EYS: variants seen among roughly 807,000 people sequenced by gnomAD.
EYS encodes protein eyes shut homolog.
A neutral mutation model predicts 282.1 loss-of-function variants in EYS; 250 were observed. The observed-to-expected ratio is 0.89, with a 90% CI of 0.80 to 0.98. The LOEUF (loss-of-function observed/expected upper bound fraction) is 0.98. Among genes scored for constraint, EYS ranks in the 50% least tolerant of loss-of-function variants. EYS has a pLI of 0.00. For missense variants in EYS, 4,016 were observed against 3,709.0 expected (o/e 1.08, Z -2.15); for synonymous variants, 1,355 against 1,282.9 (o/e 1.06, Z -1.20).
At chr6:64,157,400 G>T (rs1024670395) in intron 31 of EYS, among the ~76,000 whole-genome samples, 1 of 152,160 alleles carries the variant, frequency 6.6e-6, no homozygotes, top group Non-Finnish European at 1.5e-5. Flanking sequence ...CATTTTCTGA[G>T]GAGAAATTGA....
In EYS at chr6:64,235,878, G is replaced by A. The variant is rs1186109528; in HGVS notation, c.6192-5054C>T. ...TCCAGGACCAGATGGACTCACAGCC[G>A]AATTCTACCAGAGGTACAAGGAGGA... On this transcript the variant is annotated intron_variant, in intron 30 of 42. Coordinates refer to ENST00000503581, the MANE Select transcript of EYS (RefSeq NM_001142800.2). Among the ~76,000 whole-genome samples the A allele has an allele frequency of 6.6e-5, 10 of 152,104 alleles. No individual in the cohort carries two copies. In the East Asian group the frequency reaches 7.7e-4, roughly 12 times the overall value.
At chr6:65,023,222 T>C (rs1400371526) in intron 13 of EYS, among the ~76,000 whole-genome samples, 7 of 152,166 alleles carry the variant, frequency 4.6e-5, no homozygotes, top group Admixed American at 4.6e-4. Flanking sequence ...GTTAATATTA[T>C]CTTTTTAATT....
chr6:65,260,964 T>A (rs1272952727), intron 12 of EYS, among the ~76,000 whole-genome samples: 1 of 152,124 alleles, frequency 6.6e-6, no homozygotes, highest in East Asian at 1.9e-4. Flanking sequence ...TATTTTCTTG[T>A]CTAAAACCTA....
At chr6:64,576,004 A>T (rs983970758) in intron 26 of EYS, among the ~76,000 whole-genome samples, 3 of 152,140 alleles carry the variant, frequency 2.0e-5, no homozygotes, top group African/African-American at 2.4e-5. Flanking sequence ...TTTTCTAAAG[A>T]CAAAGAGCTA....
chr6:64,741,176 A>G (rs183774915), intron 22 of EYS, among the ~76,000 whole-genome samples: 30 of 152,220 alleles, frequency 2.0e-4, no homozygotes, highest in Non-Finnish European at 2.9e-5. Flanking sequence ...TCCTTGATCC[A>G]TGGGCTTCAG....
chr6:65,042,467 A>G (rs1583427469), intron 13 of EYS, among the ~76,000 whole-genome samples: 1 of 151,212 alleles, frequency 6.6e-6, no homozygotes, highest in East Asian at 1.9e-4. Context: ...TTGGTTAAAT[A>G]TTTTTATTAT....
chr6:64,697,314 A>G (rs895353009), intron 22 of EYS, among the ~76,000 whole-genome samples: 3 of 152,202 alleles, frequency 2.0e-5, no homozygotes, highest in Admixed American at 2.0e-4. Context: ...AGGTCATTAT[A>G]TAATGATAAA....
At chr6:65,505,155 G>T (rs1008518249) in intron 2 of EYS, among the ~76,000 whole-genome samples, 1 of 151,702 alleles carries the variant, frequency 6.6e-6, no homozygotes, top group Non-Finnish European at 1.5e-5. Context: ...CAAGAAATTT[G>T]TCTATTTTAT....
intron 2 of EYS, among the ~76,000 whole-genome samples, chr6:65,590,782 G>A (rs954252843): frequency 1.6e-4 from 24 of 151,300 alleles, no homozygotes; most frequent in Middle Eastern, 3.4e-3. Context: ...AGGCAATTTC[G>A]TGTTGCCTCA....
At chr6:65,441,921 T>C (rs561073139) in intron 5 of EYS, among the ~76,000 whole-genome samples, 1 of 152,182 alleles carries the variant, frequency 6.6e-6, no homozygotes, top group African/African-American at 2.4e-5. Context: ...CTGAAGCCGT[T>C]AAATTTGCTT....
Position 65,007,737 on chromosome 6 carries a change from C to G in EYS, c.2138-10034G>C, listed in dbSNP as rs139759926. Among the ~76,000 whole-genome samples the G allele has an allele frequency of 7.1e-4, 108 of 152,238 alleles. No individual in the cohort carries two copies. In the East Asian group the frequency reaches 9.5e-3, roughly 13 times the overall value. On this transcript the variant is annotated intron_variant, in intron 13 of 42. Transcript: ENST00000503581. ...GTGCCAATGTTCCCCAATTATGCCC[C>G]CTCCAAGCGGTGGGAGGAGGAGAAT...
At chr6:65,423,866 C>T (rs1327579170) in intron 5 of EYS, among the ~76,000 whole-genome samples, 1 of 151,828 alleles carries the variant, frequency 6.6e-6, no homozygotes, top group Non-Finnish European at 1.5e-5. Context: ...GTGACATTCT[C>T]TAGGGTTTAC....
intron 12 of EYS, among the ~76,000 whole-genome samples, chr6:65,235,794 AATC>A (rs1276175577): frequency 6.6e-6 from 1 of 152,148 alleles, no homozygotes; most frequent in Non-Finnish European, 1.5e-5. Flanking sequence ...ACTTTGTAAT[AATC>A]ATTATTATGA....
chr6:64,296,563 TATATATATATATATATATATAC>T (rs1479844390), intron 30 of EYS, among the ~76,000 whole-genome samples: 30 of 6,956 alleles, frequency 4.3e-3, no homozygotes, highest in African/African-American at 0.015. Context: ...TATATATATA[TATATATATATATATATATATAC>T]ATATATATAT....
chr6:65,195,774 C>G (rs2150242665), intron 12 of EYS, among the ~76,000 whole-genome samples: 1 of 152,134 alleles, frequency 6.6e-6, no homozygotes, highest in African/African-American at 2.4e-5. Context: ...CCCAAGCTGG[C>G]ATAGAGATAA....
rs183178431 is a variant in EYS, at chr6:64,220,943, A to G, written c.6424+9649T>C. On this transcript the variant is annotated intron_variant, in intron 31 of 42. Transcript: ENST00000503581. The stretch of plus-strand genomic sequence containing the variant: ...CGGGGATAGGATAATATTTACTTCA[A>G]AATCACACTATCACACTGATTCATG... 2.2e-3 allele frequency among the ~76,000 whole-genome samples: 336 copies of G among 152,216 alleles called. 1 individual carries two copies. Among genetic ancestry groups the G allele is most frequent in the Non-Finnish European group, 3.6e-3 (244 of 68,002 alleles).
chr6:64,852,222 T>C (rs1765908576), intron 19 of EYS, among the ~76,000 whole-genome samples: 1 of 152,092 alleles, frequency 6.6e-6, no homozygotes, highest in South Asian at 2.1e-4. Context: ...GTGAGGGTGT[T>C]GGCAAAGGAG....
intron 36 of EYS, among the ~76,000 whole-genome samples, chr6:63,849,399 C>A (rs909274552): frequency 2.6e-5 from 4 of 152,172 alleles, no homozygotes; most frequent in Non-Finnish European, 5.9e-5. Context: ...CTGGGAGATA[C>A]CTCCCAGCAG....
At chr6:65,058,242 C>T (rs1773473355) in intron 12 of EYS, among the ~76,000 whole-genome samples, 1 of 151,942 alleles carries the variant, frequency 6.6e-6, no homozygotes, top group South Asian at 2.1e-4. Context: ...CCTCTGCCTC[C>T]CGGGTTCAAG....
Sources: gnomAD v4.1 joint callset for allele counts (sites outside exome capture counted in the v4.1 genomes callset) on GRCh38, gnomAD v4.1.1 for gene constraint, MANE v1.5 for transcripts, NCBI Gene and HGNC (gene_info 2026-07-23, HGNC 2026-07-21) for gene names.